The following CDC123 variants were observed in gnomAD, a reference collection of about 807,000 sequenced individuals.
The protein encoded by CDC123 is translation initiation factor eIF2 assembly protein.
Under a neutral mutation model 54.4 loss-of-function variants are expected in CDC123, and 37 were observed. The observed-to-expected ratio is 0.68, with a 90% CI of 0.52 to 0.89. The LOEUF is 0.89. Ranked by LOEUF, CDC123 falls within the 40% of genes least tolerant of loss-of-function variation. The pLI, the probability that CDC123 is intolerant of heterozygous loss-of-function variation, is 0.00. For missense variants in CDC123, 361 were observed against 412.1 expected, an observed-to-expected ratio of 0.88 and a Z score of 1.07; for synonymous variants, 144 against 136.8, an observed-to-expected ratio of 1.05 and a Z score of -0.37.
chr10:12,235,091 T>G lies in CDC123; in HGVS notation c.533T>G (p.Phe178Cys). The change falls in exon 8 of 13, where the codon TTT (phenylalanine) becomes TGT (cysteine). Residue 178 changes from phenylalanine (F) to cysteine (C), a missense_variant. By Grantham distance (205) the Phe-to-Cys change is radical. Coordinates refer to ENST00000281141, the MANE Select transcript of CDC123 (RefSeq NM_006023.3). The stretch of plus-strand genomic sequence containing the variant: ...TGTGAATTGATTCCTGGGGCTGAGT[T>G]TCGATGTTTTGTCAAGGAAAACAAG... Reference protein sequence around the residue: ...KWCELIPGAEFRCFVKENKLI... With the variant: ...KWCELIPGAECRCFVKENKLI... The G allele has an allele frequency of 6.2e-7, 1 of 1,614,092 alleles. No homozygotes were observed. Among genetic ancestry groups the G allele is most frequent in the Non-Finnish European group, 8.5e-7 (1 of 1,179,958 alleles).
chr10:12,210,317 C>T lies in CDC123; in HGVS notation c.232C>T (p.Leu78Phe). The T allele has an allele frequency of 6.2e-7, 1 of 1,614,060 alleles. No individual in the cohort carries two copies. Among genetic ancestry groups the T allele is most frequent in the Non-Finnish European group, 8.5e-7 (1 of 1,179,996 alleles). ...QWSDDENTATLTAPEFPEFAT... is the reference protein window; with the variant it reads ...QWSDDENTATFTAPEFPEFAT... ...GTCTGATGATGAGAACACAGCCACG[C>T]TTACGGTAAGAGCACAGCAGACTCA... The change falls in exon 4 of 13, where the codon CTT becomes TTT. Residue 78 changes from leucine to phenylalanine, a missense_variant. Coordinates refer to ENST00000281141, the MANE Select transcript of CDC123 (RefSeq NM_006023.3).
intron 4 of CDC123, among the ~76,000 whole-genome samples, chr10:12,214,965 T>G (rs1323774365): frequency 6.6e-6 from 1 of 152,156 alleles, no homozygotes; most frequent in African/African-American, 2.4e-5. Context: ...TACTTCCCCC[T>G]CTCTTACTTA....
In CDC123 at chr10:12,246,515, T is replaced by G. The variant is rs138255533; in HGVS notation, c.846+238T>G. 3.0e-3 allele frequency: 1,182 copies of G among 388,034 alleles called. 6 individuals are homozygous for G. Among genetic ancestry groups the G allele is most frequent in the African/African-American group, 0.021 (1,026 of 48,644 alleles). The allele number at this position is 388,034 out of a possible 1,614,324, so 24.0% of individuals were successfully genotyped here. A position where few individuals can be genotyped will look rare whatever the true frequency, so the allele number is the denominator to read the frequency against. On this transcript the variant is annotated intron_variant, in intron 11 of 12. Coordinates refer to ENST00000281141, the MANE Select transcript of CDC123 (RefSeq NM_006023.3). ...GTTTTTTTAGTTCTTTTTCTGAGCT[T>G]CTTCTGTCACACCCACCTGGAGGAA...
Position 12,250,320 on chromosome 10 carries a change from C to G in CDC123, c.994C>G (p.Gln332Glu). The G allele has an allele frequency of 6.3e-7, 1 of 1,591,900 alleles. No homozygotes were observed. The highest frequency in any genetic ancestry group is 8.6e-7 in the Non-Finnish European group (1 of 1,164,228). Reference protein sequence around the residue: ...LIDFLKLKRNQQEDD With the variant: ...LIDFLKLKRNEQEDD ...TGGTTTTCTTTGACAGAAGAGAAAT[C>G]AGCAGGAGGACGACTGATGAGCGTA... The change falls in exon 13 of 13, where the codon CAG (glutamine) becomes GAG (glutamate). Residue 332 changes from glutamine to glutamate, a missense_variant. Coordinates refer to ENST00000281141, the MANE Select transcript of CDC123 (RefSeq NM_006023.3).
At position 12,196,305 on chromosome 10, in the gene CDC123, C is replaced by T. The variant is rs1051556057; in HGVS notation, c.60C>T (p.Gly20=). The T allele has an allele frequency of 6.2e-7, 1 of 1,613,192 alleles. No homozygotes were observed. ...QFSAWYPFFR[G]VTIKSVILPL... Reference sequence around the variant, plus strand: ...CCGCGTGGTACCCGTTCTTCCGAGGCGTTACCATCAAGAGGTGAGATGGGA... The same window carrying T: ...CCGCGTGGTACCCGTTCTTCCGAGGTGTTACCATCAAGAGGTGAGATGGGA... Residue 20 remains glycine (G), a synonymous_variant, in exon 1 of 13, where the codon GGC becomes GGT. Coordinates refer to ENST00000281141, the MANE Select transcript of CDC123 (RefSeq NM_006023.3).
At chr10:12,206,054 C>A (rs546610787) in intron 2 of CDC123, among the ~76,000 whole-genome samples, 61 of 152,328 alleles carry the variant, frequency 4.0e-4, no homozygotes, top group African/African-American at 1.4e-3. Flanking sequence ...CCCGCCTTGG[C>A]CTCCCAAAGT....
chr10:12,213,005 A>T (rs943745113), intron 4 of CDC123, among the ~76,000 whole-genome samples: 11 of 152,220 alleles, frequency 7.2e-5, no homozygotes, highest in Non-Finnish European at 1.5e-4. Flanking sequence ...TAAGTGGGGA[A>T]AAAAGGAAGC....
At position 12,199,814 on chromosome 10, in the gene CDC123, T is replaced by G. The variant is rs58941631; in HGVS notation, c.146+1038T>G. ...CTCAACTTTAGGATATTTACAGATA[T>G]AATTTTTTTTGTTTTGTTTTTCTTT... is the stretch of plus-strand genomic sequence containing the variant. On this transcript the variant is annotated intron_variant, in intron 2 of 12. Coordinates refer to ENST00000281141, the MANE Select transcript of CDC123 (RefSeq NM_006023.3). Among the ~76,000 whole-genome samples the G allele has an allele frequency of 5.8e-3, 887 of 152,114 alleles. 8 individuals carry two copies. Among genetic ancestry groups the G allele is most frequent in the African/African-American group, 0.013 (546 of 41,528 alleles).
At chr10:12,214,691 C>A (rs1006838249) in intron 4 of CDC123, among the ~76,000 whole-genome samples, 4 of 152,154 alleles carry the variant, frequency 2.6e-5, no homozygotes, top group African/African-American at 9.7e-5. Flanking sequence ...AGACTCTTGT[C>A]ACAGTTTTTT....
intron 7 of CDC123, 37 bp downstream of exon 7, chr10:12,231,033 G>A (rs1835896462): frequency 6.5e-7 from 1 of 1,528,354 alleles, no homozygotes; most frequent in African/African-American, 1.4e-5. Context: ...TGTAGATGAA[G>A]ATGTGTTGAG....
intron 10 of CDC123, among the ~76,000 whole-genome samples, chr10:12,244,572 C>T (rs1215199436): frequency 2.6e-5 from 4 of 152,060 alleles, no homozygotes; most frequent in Non-Finnish European, 4.4e-5. Context: ...CACCAAATTG[C>T]CCACCTGTGG....
At chr10:12,229,673 A>G (rs1171770904) in intron 6 of CDC123, among the ~76,000 whole-genome samples, 1 of 152,244 alleles carries the variant, frequency 6.6e-6, no homozygotes, top group Non-Finnish European at 1.5e-5. Flanking sequence ...GACTAAGCTC[A>G]ACCAGAACAA....
chr10:12,250,492 A>G lies in CDC123; in HGVS notation c.*155A>G. ...CATGTACATTCACCTGGGGAAAAAA[A>G]CGGAGGGACTTTGCTACTTGTAAAA... is the stretch of plus-strand genomic sequence containing the variant. On this transcript the variant is annotated 3_prime_UTR_variant, in exon 13 of 13. Coordinates refer to ENST00000281141, the MANE Select transcript of CDC123 (RefSeq NM_006023.3). 2 of 710,386 alleles carry G rather than the reference A, an allele frequency of 2.8e-6. No homozygotes were observed. Among genetic ancestry groups the G allele is most frequent in the Non-Finnish European group, 2.6e-6 (1 of 382,202 alleles). The allele number at this position is 710,386 out of a possible 1,614,324, so 44.0% of individuals were successfully genotyped here. A position where few individuals can be genotyped will look rare whatever the true frequency, so the allele number is the denominator to read the frequency against.
At position 12,217,397 on chromosome 10, in the gene CDC123, T is replaced by C; in HGVS notation, c.370T>C (p.Cys124Arg). Residue 124 changes from cysteine (C) to arginine (R), a missense_variant, in exon 6 of 13, where the codon TGT becomes CGT. By Grantham distance (180) the Cys-to-Arg change is radical (BLOSUM62 -3). Transcript: ENST00000281141. The part of the protein sequence containing the change: ...YWIAMNSSLK[C>R]KTLSDIFLLF... The stretch of plus-strand genomic sequence containing the variant: ...GATAGCAATGAATAGTTCTCTGAAA[T>C]GTAAAACCCTCAGCGACATCTTTCT... 1.2e-6 allele frequency: 2 copies of C among 1,613,934 alleles called. No individual in the cohort carries two copies. The highest frequency in any genetic ancestry group is 1.1e-5 in the South Asian group (1 of 91,014).
chr10:12,230,850 A>G (rs1356006278), intron 6 of CDC123, 98 bp from the exon 7 acceptor site: 36 of 1,118,386 alleles, frequency 3.2e-5, no homozygotes, highest in Non-Finnish European at 4.3e-5. Context: ...GGATGCTTTT[A>G]GTAAAACGTT....
At chr10:12,205,765 G>T (rs1835510766) in intron 2 of CDC123, among the ~76,000 whole-genome samples, 1 of 151,990 alleles carries the variant, frequency 6.6e-6, no homozygotes, top group African/African-American at 2.4e-5. Flanking sequence ...TGCATGCAGA[G>T]GGTTACCTTA....
intron 11 of CDC123, among the ~76,000 whole-genome samples, chr10:12,248,502 A>G: frequency 7.5e-6 from 1 of 133,486 alleles, no homozygotes; most frequent in South Asian, 2.3e-4. Flanking sequence ...ACAGAGCGGG[A>G]CTCCGTCTCA....
chr10:12,229,195 A>G (rs959225704), intron 6 of CDC123, among the ~76,000 whole-genome samples: 1 of 152,190 alleles, frequency 6.6e-6, no homozygotes, highest in African/African-American at 2.4e-5. Flanking sequence ...GTCCAACACC[A>G]TTGTGCCATA....
At chr10:12,218,826 C>T (rs1322026254) in intron 6 of CDC123, among the ~76,000 whole-genome samples, 2 of 152,148 alleles carry the variant, frequency 1.3e-5, no homozygotes, top group African/African-American at 2.4e-5. Context: ...GTGCAGTCAG[C>T]GTTGTAGGTG....
Sources: gnomAD v4.1 joint callset for allele counts (sites outside exome capture counted in the v4.1 genomes callset) on GRCh38, gnomAD v4.1.1 for gene constraint, MANE v1.5 for transcripts, NCBI Gene and HGNC (gene_info 2026-07-23, HGNC 2026-07-21) for gene names.